Variants in PPP2R2C observed in about 807,000 individuals in gnomAD.
PPP2R2C encodes the protein protein phosphatase 2 regulatory subunit Bgamma.
Under a neutral mutation model 45.3 loss-of-function variants are expected in PPP2R2C, and 10 were observed. That is an observed-to-expected ratio of 0.22 (90% CI 0.14 to 0.37). The LOEUF (loss-of-function observed/expected upper bound fraction) is 0.37, where lower values mean the gene tolerates loss of function less well. Ranked by LOEUF, PPP2R2C falls within the 10% of genes least tolerant of loss-of-function variation. The probability of loss-of-function intolerance (pLI) is 1.00; values close to 1 mark genes in which losing one functional copy is unlikely to be tolerated. For missense variants in PPP2R2C, 308 were observed against 619.7 expected (o/e 0.50, Z 5.34); for synonymous variants, 257 against 245.4 (o/e 1.05, Z -0.44).
intron 1 of PPP2R2C, among the ~76,000 whole-genome samples, chr4:6,547,493 C>T (rs62287261): frequency 3.1e-3 from 471 of 152,228 alleles, no homozygotes; most frequent in Non-Finnish European, 4.4e-3. Context: ...TGGCGGGATG[C>T]ACTGGGAAGC....
In PPP2R2C at chr4:6,453,886, G is replaced by A. The variant is rs929358701; in HGVS notation, c.70+18274C>T. The stretch of plus-strand genomic sequence containing the variant: ...TGTGGAGGCAGACGGCCAGAGGGGC[G>A]GTGGCAGGCTGCACCCCCACCCGGC... On this transcript the variant is annotated intron_variant, in intron 1 of 8. Coordinates refer to ENST00000382599, the MANE Select transcript of PPP2R2C (RefSeq NM_020416.4). Among the ~76,000 whole-genome samples, 12 of 152,224 alleles carry A rather than the reference G, an allele frequency of 7.9e-5. No homozygotes were observed. In the East Asian group the frequency reaches 1.7e-3, roughly 22 times the overall value.
intron 8 of PPP2R2C, among the ~76,000 whole-genome samples, chr4:6,326,414 C>A (rs1408078453): frequency 1.3e-5 from 2 of 152,156 alleles, no homozygotes; most frequent in East Asian, 3.9e-4. Flanking sequence ...CCCGAGCACG[C>A]TCGGCTGGCA....
At chr4:6,337,112 G>GTGTGTGTGTGTGTGTA (rs1202845732) in intron 6 of PPP2R2C, among the ~76,000 whole-genome samples, 3 of 30,118 alleles carry the variant, frequency 1.0e-4, no homozygotes, top group African/African-American at 3.1e-4. Flanking sequence ...ATGTGTGTGT[G>GTGTGTGTGTGTGTGTA]TATATATATA....
chr4:6,376,419 T>C, intron 3 of PPP2R2C, among the ~76,000 whole-genome samples: 1 of 150,404 alleles, frequency 6.6e-6, no homozygotes, highest in East Asian at 2.0e-4. Context: ...AGATGACCTT[T>C]TCTGTAGAGA....
At chr4:6,333,370 G>A (rs1419633773) in intron 7 of PPP2R2C, among the ~76,000 whole-genome samples, 192 bp downstream of exon 7, 1 of 152,250 alleles carries the variant, frequency 6.6e-6, no homozygotes, top group Non-Finnish European at 1.5e-5. Flanking sequence ...CTCCCTGTGA[G>A]GCAAGACTGA....
chr4:6,453,598 G>T (rs1720861146), intron 1 of PPP2R2C, among the ~76,000 whole-genome samples: 1 of 152,016 alleles, frequency 6.6e-6, no homozygotes. Flanking sequence ...CGGGCACGTG[G>T]TGTGCACCGG....
intron 5 of PPP2R2C, among the ~76,000 whole-genome samples, chr4:6,352,992 G>A (rs529834252): frequency 9.9e-5 from 15 of 152,246 alleles, no homozygotes; most frequent in East Asian, 5.8e-4. Context: ...AGATGGGAGC[G>A]ATGGCTACAG....
At chr4:6,382,448 G>A (rs1429981770) in intron 1 of PPP2R2C, 3 of 1,351,914 alleles carry the variant, frequency 2.2e-6, no homozygotes, top group Admixed American at 1.9e-5. Flanking sequence ...CGGCCAACGT[G>A]ATGACCAAAC....
intron 6 of PPP2R2C, among the ~76,000 whole-genome samples, chr4:6,347,017 G>A (rs1712022427): frequency 6.6e-6 from 1 of 152,234 alleles, no homozygotes; most frequent in Non-Finnish European, 1.5e-5. Flanking sequence ...TGGGAAGGAG[G>A]ATGCCGTGGC....
chr4:6,355,620 G>T (rs998052841), intron 5 of PPP2R2C, among the ~76,000 whole-genome samples: 1 of 151,446 alleles, frequency 6.6e-6, no homozygotes, highest in African/African-American at 2.4e-5. Context: ...GGAGTGGATC[G>T]TCACTGACAA....
rs1725644625 is a variant in PPP2R2C, at chr4:6,563,313, G to A, written c.-59+247C>T. Among the ~76,000 whole-genome samples the A allele has an allele frequency of 6.6e-6, 1 of 152,172 alleles. No homozygotes were observed. Among genetic ancestry groups the A allele is most frequent in the South Asian group, 2.1e-4 (1 of 4,826 alleles). ...GACCCCGAGAGCACGCGCTCCGGAGGGACCCCGGCACTTCGGACCCTAGCA... is the reference window on the plus strand; with the variant it reads ...GACCCCGAGAGCACGCGCTCCGGAGAGACCCCGGCACTTCGGACCCTAGCA... On this transcript the variant is annotated intron_variant, in intron 1 of 9. Transcript: ENST00000506140. This position sits in a 1 kb window ranked among gnomAD's most constrained non-coding sequence, Gnocchi z 5.8.
intron 6 of PPP2R2C, among the ~76,000 whole-genome samples, chr4:6,340,600 A>ATG (rs1733369366): frequency 6.8e-6 from 1 of 148,068 alleles, no homozygotes; most frequent in Admixed American, 6.7e-5. Context: ...AGGGCCCACC[A>ATG]CCTTCCCCAC....
intron 5 of PPP2R2C, among the ~76,000 whole-genome samples, chr4:6,354,324 T>A (rs1409829661): frequency 6.6e-6 from 1 of 152,006 alleles, no homozygotes; most frequent in Non-Finnish European, 1.5e-5. Context: ...CCGCCAGCCA[T>A]ATCCAGCAGT....
intron 1 of PPP2R2C, among the ~76,000 whole-genome samples, chr4:6,404,715 C>A (rs1020387124): frequency 2.6e-5 from 4 of 152,150 alleles, no homozygotes; most frequent in Admixed American, 6.5e-5. Flanking sequence ...GGCAGGTGCC[C>A]ATGAGGAAGC....
At chr4:6,539,468 G>GCTTCAC (rs922305227) in intron 1 of PPP2R2C, among the ~76,000 whole-genome samples, 1 of 152,170 alleles carries the variant, frequency 6.6e-6, no homozygotes, top group African/African-American at 2.4e-5. Context: ...ATTGTGTCAC[G>GCTTCAC]CTTCACCGGT....
Position 6,543,936 on chromosome 4 carries a change from C to T in PPP2R2C, c.-58-8559G>A, listed in dbSNP as rs116407825. 8.4e-3 allele frequency among the ~76,000 whole-genome samples: 1,279 copies of T among 152,316 alleles called. 13 individuals carry two copies. The highest frequency in any genetic ancestry group is 0.029 in the African/African-American group (1,190 of 41,564). On this transcript the variant is annotated intron_variant, in intron 1 of 9. Coordinates refer to the PPP2R2C transcript ENST00000506140. Reference sequence around the variant, plus strand: ...GGAATCTCATCTCTGACTTTCGGCCCCCGAGCTGAGCTGTCAACACAGCAG... The same window carrying T: ...GGAATCTCATCTCTGACTTTCGGCCTCCGAGCTGAGCTGTCAACACAGCAG...
intron 1 of PPP2R2C, among the ~76,000 whole-genome samples, chr4:6,413,274 C>CAT (rs1171066725): frequency 6.6e-6 from 1 of 152,154 alleles, no homozygotes; most frequent in African/African-American, 2.4e-5. Flanking sequence ...CACACATTGT[C>CAT]ATGTACTTAC....
chr4:6,465,233 G>A (rs978562264), intron 1 of PPP2R2C, among the ~76,000 whole-genome samples: 10 of 152,232 alleles, frequency 6.6e-5, no homozygotes, highest in African/African-American at 1.7e-4. Context: ...TTGGTCCTGC[G>A]GGGAGAGGTA....
At chr4:6,521,384 C>T (rs1203717955) in intron 2 of PPP2R2C, among the ~76,000 whole-genome samples, 1 of 152,230 alleles carries the variant, frequency 6.6e-6, no homozygotes, top group East Asian at 1.9e-4. Flanking sequence ...TTCACCAGGG[C>T]TCCCCTCTCC....
Sources: gnomAD v4.1 joint callset for allele counts (sites outside exome capture counted in the v4.1 genomes callset) on GRCh38, gnomAD v4.1.1 for gene constraint, Gnocchi (gnomAD v3.1) non-coding constraint, MANE v1.5 for transcripts, NCBI Gene and HGNC (gene_info 2026-07-23, HGNC 2026-07-21) for gene names.